The following KIF19 variants were observed in gnomAD, a reference collection of about 807,000 sequenced individuals.
The protein encoded by KIF19 is kinesin-like protein KIF19.
Under a neutral mutation model 106.6 loss-of-function variants are expected in KIF19, and 98 were observed. That is an observed-to-expected ratio of 0.92 (90% CI 0.78 to 1.09). KIF19 has a LOEUF of 1.09. Ranked by LOEUF, KIF19 falls within the 50% of genes least tolerant of loss-of-function variation. KIF19 has a pLI of 0.00. For synonymous variants in KIF19, 516 were observed against 584.2 expected (o/e 0.88, Z 1.68); for missense variants, 1,373 against 1,414.3 (o/e 0.97, Z 0.47).
chr17:74,344,861 T>C lies in KIF19; in HGVS notation c.683T>C (p.Val228Ala). The stretch of plus-strand genomic sequence containing the variant: ...TCCCACGCGGTACTGCAGGTGACCG[T>C]GCGCCAGCGCAGCCGGGTCAAGAAC... The part of the protein sequence containing the change: ...SRSHAVLQVT[V>A]RQRSRVKNIL... Residue 228 changes from valine to alanine, a missense_variant, in exon 7 of 20, where the codon GTG becomes GCG. Around this residue, in one of 3 missense-constraint regions of KIF19, gnomAD observed 348 missense variants for 389.5 expected, o/e 0.89. Coordinates refer to ENST00000389916, the MANE Select transcript of KIF19 (RefSeq NM_153209.4). 1 of 1,612,812 alleles carries C rather than the reference T, an allele frequency of 6.2e-7. No homozygotes were observed.
At chr17:74,340,869 G>C (rs984808401) in intron 2 of KIF19, among the ~76,000 whole-genome samples, 6 of 152,244 alleles carry the variant, frequency 3.9e-5, no homozygotes, top group Non-Finnish European at 8.8e-5. Context: ...GGGCTGTAGC[G>C]AGGTGGATAG....
chr17:74,349,118 A>C (rs1275365441), intron 9 of KIF19, 66 bp from the exon 10 acceptor site: 1 of 1,565,734 alleles, frequency 6.4e-7, no homozygotes, highest in East Asian at 2.3e-5. Flanking sequence ...AAGGCCCTGC[A>C]GGCAGGCCTC....
At chr17:74,338,736 C>T (rs2054282323) in intron 2 of KIF19, among the ~76,000 whole-genome samples, 1 of 151,862 alleles carries the variant, frequency 6.6e-6, no homozygotes, top group Admixed American at 6.5e-5. Flanking sequence ...GTGGGAGCCC[C>T]AGGGCTGTCA....
At chr17:74,339,689 C>T (rs188696425) in intron 2 of KIF19, among the ~76,000 whole-genome samples, 11 of 152,314 alleles carry the variant, frequency 7.2e-5, no homozygotes, top group Admixed American at 1.3e-4. Flanking sequence ...ATGAAGAGCA[C>T]GGTGGTGGCT....
intron 7 of KIF19, 100 bp downstream of exon 7, chr17:74,345,055 A>G: frequency 8.7e-7 from 1 of 1,145,116 alleles, no homozygotes; most frequent in Non-Finnish European, 1.2e-6. Flanking sequence ...CACCACAGGA[A>G]CAGGGGAGAC....
In KIF19 at chr17:74,352,865, C is replaced by T. The variant is rs751474802; in HGVS notation, c.2025C>T (p.Thr675=). The T allele has an allele frequency of 4.3e-6, 7 of 1,613,952 alleles. No individual in the cohort carries two copies. The highest frequency in any genetic ancestry group is 5.9e-6 in the Non-Finnish European group (7 of 1,179,866). ...PKITPAGTSL[T]PDSDLESVKT... ...TTACCCCAGCAGGAACCTCACTGAC[C>T]CCAGATTCTGACCTGGAGAGTGTGA... Residue 675 remains threonine (T), a synonymous_variant, in exon 15 of 20, where the codon ACC becomes ACT. Coordinates refer to ENST00000389916, the MANE Select transcript of KIF19 (RefSeq NM_153209.4).
In KIF19 at chr17:74,326,263, C is replaced by G. The variant is rs1382579243; in HGVS notation, c.-87C>G. The G allele has an allele frequency of 3.9e-6, 5 of 1,277,466 alleles. No individual in the cohort carries two copies. The highest frequency in any genetic ancestry group is 4.3e-6 in the Non-Finnish European group (4 of 926,300). The allele number at this position is 1,277,466 out of a possible 1,614,324, so 79.1% of individuals were successfully genotyped here. A position where few individuals can be genotyped will look rare whatever the true frequency, so the allele number is the denominator to read the frequency against. ...AGCGCGCGAGGCGGCGGGCAGCTAG[C>G]AGCTGGCGGACGCGACCCGGAGGCG... On this transcript the variant is annotated 5_prime_UTR_variant, in exon 1 of 20. Transcript: ENST00000389916.
In KIF19 at chr17:74,355,607, C is replaced by T. The variant is rs886773511; in HGVS notation, c.*295C>T. The stretch of plus-strand genomic sequence containing the variant: ...ACCTGCACAGCCCTGAGGCCAGCCT[C>T]GGCCTTGGTAACGGAGGAAAGCAGC... On this transcript the variant is annotated 3_prime_UTR_variant, in exon 20 of 20. Transcript: ENST00000389916. 4.6e-5 allele frequency: 13 copies of T among 285,676 alleles called. No individual in the cohort carries two copies. Among genetic ancestry groups the T allele is most frequent in the Admixed American group, 4.1e-4 (8 of 19,662 alleles). 17.7% of individuals were successfully genotyped at this position (285,676 alleles called of 1,614,324 possible).
chr17:74,344,016 G>A (rs778607096), intron 5 of KIF19, among the ~76,000 whole-genome samples: 13 of 152,166 alleles, frequency 8.5e-5, no homozygotes, highest in Non-Finnish European at 1.8e-4. Context: ...CCAGCAGCCC[G>A]ATGTTTCCTG....
At chr17:74,354,637 C>T in intron 18 of KIF19, 78 bp downstream of exon 18, 1 of 1,539,048 alleles carries the variant, frequency 6.5e-7, no homozygotes, top group Admixed American at 2.0e-5. Flanking sequence ...TCTCCAAAGG[C>T]TCCAGGGCAC....
At chr17:74,338,812 G>A (rs970484723) in intron 2 of KIF19, among the ~76,000 whole-genome samples, 13 of 151,860 alleles carry the variant, frequency 8.6e-5, no homozygotes, top group African/African-American at 2.9e-4. Context: ...GGACCCACGA[G>A]GATCTCCTGG....
intron 3 of KIF19, 91 bp from the exon 4 acceptor site, chr17:74,342,539 A>G: frequency 1.0e-6 from 1 of 970,422 alleles, no homozygotes; most frequent in Non-Finnish European, 1.6e-6. Flanking sequence ...AGGGACAGAA[A>G]CCTCTCCTAT....
intron 2 of KIF19, among the ~76,000 whole-genome samples, chr17:74,338,371 G>T (rs1044782568): frequency 6.7e-6 from 1 of 148,686 alleles, no homozygotes; most frequent in Non-Finnish European, 1.5e-5. Context: ...GATCCTAGAA[G>T]AGGCTCACTG....
chr17:74,352,851 G>A lies in KIF19; in HGVS notation c.2011G>A (p.Gly671Arg), dbSNP rs1264242876. 5 of 1,613,818 alleles carry A rather than the reference G, an allele frequency of 3.1e-6. No individual in the cohort carries two copies. Among genetic ancestry groups the A allele is most frequent in the Non-Finnish European group, 4.2e-6 (5 of 1,179,880 alleles). Residue 671 changes from glycine (G) to arginine (R), a missense_variant, in exon 15 of 20, where the codon GGA becomes AGA. Coordinates refer to ENST00000389916, the MANE Select transcript of KIF19 (RefSeq NM_153209.4). ...CTCCTTGCCCAAAATTACCCCAGCAGGAACCTCACTGACCCCAGATTCTGA... is the reference window on the plus strand; with the variant it reads ...CTCCTTGCCCAAAATTACCCCAGCAAGAACCTCACTGACCCCAGATTCTGA... Reference protein sequence around the residue: ...DSSLPKITPAGTSLTPDSDLE... With the variant: ...DSSLPKITPARTSLTPDSDLE...
intron 3 of KIF19, among the ~76,000 whole-genome samples, chr17:74,342,328 AC>A (rs892966345): frequency 6.6e-5 from 10 of 152,052 alleles, no homozygotes; most frequent in Non-Finnish European, 1.5e-4. Flanking sequence ...CTCCTCGAGG[AC>A]CCCCATCTCG....
chr17:74,354,420 G>C lies in KIF19; in HGVS notation c.2567G>C (p.Arg856Pro). 6.2e-7 allele frequency: 1 copy of C among 1,611,202 alleles called. No individual in the cohort carries two copies. Among genetic ancestry groups the C allele is most frequent in the Non-Finnish European group, 8.5e-7 (1 of 1,179,284 alleles). ...AGCAGCACGGGCGAGGCCCCGTCCC[G>C]GGCAGTCGGACATCATGGGGACGGC... ...LSSSTGEAPSRAVGHHGDGPR... is the reference protein window; with the variant it reads ...LSSSTGEAPSPAVGHHGDGPR... Residue 856 changes from arginine to proline, a missense_variant, in exon 18 of 20, where the codon CGG becomes CCG. Transcript: ENST00000389916.
intron 17 of KIF19, 46 bp downstream of exon 17, chr17:74,353,627 A>G: frequency 1.3e-6 from 2 of 1,483,636 alleles, no homozygotes; most frequent in Non-Finnish European, 1.9e-6. Context: ...GGCCTTGTCT[A>G]AACTGTTCAG....
chr17:74,353,224 AC>A lies in KIF19; in HGVS notation c.2144del (p.Thr715MetfsTer23). On this transcript the variant is annotated frameshift_variant, in exon 16 of 20. Coordinates refer to ENST00000389916, the MANE Select transcript of KIF19 (RefSeq NM_153209.4). LOFTEE classifies it high-confidence loss of function. Reference sequence around the variant, plus strand: ...AGGCCACCACGTGTTCAAGGCTGGTACTGGGGCCTGGCAGGCAAAAAGCTCC... The same window carrying A: ...AGGCCACCACGTGTTCAAGGCTGGTATGGGGCCTGGCAGGCAAAAAGCTCC... ...SEGHHVFKAGTGAWQAKSSSV... is the reference protein window; with the variant it reads ...SEGHHVFKAGXGAWQAKSSSV... 1 of 1,588,930 alleles carries A rather than the reference AC, an allele frequency of 6.3e-7. No homozygotes were observed. The highest frequency in any genetic ancestry group is 1.3e-5 in the African/African-American group (1 of 74,472).
chr17:74,349,397 A>G (rs917840409), intron 10 of KIF19, 48 bp downstream of exon 10: 1 of 1,523,216 alleles, frequency 6.6e-7, no homozygotes, highest in African/African-American at 1.4e-5. Flanking sequence ...GGCCAGCCTC[A>G]CGTTGCTCTG....
Sources: allele counts gnomAD v4.1 joint callset (sites outside exome capture counted in the v4.1 genomes callset), GRCh38; gene constraint gnomAD v4.1.1; regional missense constraint gnomAD v4.1.1; transcripts MANE v1.5; gene names NCBI Gene and HGNC (gene_info 2026-07-23, HGNC 2026-07-21).